Variants in SDC2 observed in about 807,000 individuals in gnomAD.
SDC2 encodes the protein syndecan-2.
SDC2 carries 13 observed loss-of-function variants against 22.2 expected under a neutral mutation model. The ratio of observed to expected loss-of-function variants is 0.59; its 90% CI spans 0.38 to 0.93. The LOEUF is 0.93. SDC2 is among the 40% of genes least tolerant of loss of function. The pLI is 0.00. For missense variants in SDC2, 235 were observed against 246.8 expected (o/e 0.95, Z 0.32); for synonymous variants, 94 against 92.8 (o/e 1.01, Z -0.07).
intron 1 of SDC2, among the ~76,000 whole-genome samples, chr8:96,499,650 T>C (rs2130418184): frequency 6.6e-6 from 1 of 152,256 alleles, no homozygotes; most frequent in East Asian, 1.9e-4. Context: ...AAATTGGACC[T>C]AAGAATGCCT....
In SDC2 at chr8:96,523,434, G is replaced by A. The variant is rs114709653; in HGVS notation, c.60+29103G>A. Among the ~76,000 whole-genome samples the A allele has an allele frequency of 4.7e-3, 719 of 152,314 alleles. 6 individuals are homozygous for A. The highest frequency in any genetic ancestry group is 0.016 in the African/African-American group (666 of 41,570). ...GTTGAGCATTAAGGTTGCCCCTAAT[G>A]GATGGGATCTCTGCCAGGGGTAACT... On this transcript the variant is annotated intron_variant, in intron 1 of 4. Coordinates refer to ENST00000302190, the MANE Select transcript of SDC2 (RefSeq NM_002998.4).
At chr8:96,514,831 G>A (rs1190709849) in intron 1 of SDC2, among the ~76,000 whole-genome samples, 1 of 152,160 alleles carries the variant, frequency 6.6e-6, no homozygotes. Context: ...AGTGCAGGCG[G>A]TAATGAGATT....
At chr8:96,570,585 G>T (rs1441781914) in intron 1 of SDC2, among the ~76,000 whole-genome samples, 1 of 152,118 alleles carries the variant, frequency 6.6e-6, no homozygotes, top group Non-Finnish European at 1.5e-5. Flanking sequence ...CAATGAAAGA[G>T]ACCTGTGCAT....
intron 1 of SDC2, among the ~76,000 whole-genome samples, chr8:96,563,068 C>T (rs1285615673): frequency 6.6e-6 from 1 of 152,318 alleles, no homozygotes; most frequent in Middle Eastern, 3.4e-3. Flanking sequence ...ACCTGAAAGA[C>T]ATTTTCCCTT....
chr8:96,604,899 A>G (rs1815052474), intron 3 of SDC2, among the ~76,000 whole-genome samples: 1 of 152,206 alleles, frequency 6.6e-6, no homozygotes, highest in Non-Finnish European at 1.5e-5. Flanking sequence ...ACCAAATGGT[A>G]TCTTCTTAGT....
At chr8:96,494,391 G>A (rs982033321) in intron 1 of SDC2, 60 bp downstream of exon 1, 2 of 1,503,606 alleles carry the variant, frequency 1.3e-6, no homozygotes, top group Admixed American at 4.1e-5. Context: ...TACGAGAGGA[G>A]CCCGCAGGGA....
intron 1 of SDC2, among the ~76,000 whole-genome samples, chr8:96,575,244 C>G (rs1272826851): frequency 6.6e-6 from 1 of 152,098 alleles, no homozygotes; most frequent in Non-Finnish European, 1.5e-5. Context: ...TGAGTGAGCA[C>G]TGGCATCTCT....
intron 1 of SDC2, among the ~76,000 whole-genome samples, chr8:96,519,513 TAGG>T (rs1813460751): frequency 6.6e-6 from 1 of 152,186 alleles, no homozygotes; most frequent in African/African-American, 2.4e-5. Context: ...ATAGTTGTCT[TAGG>T]AGAACACATC....
At chr8:96,572,174 G>A (rs992565222) in intron 1 of SDC2, among the ~76,000 whole-genome samples, 3 of 152,180 alleles carry the variant, frequency 2.0e-5, no homozygotes, top group Admixed American at 6.5e-5. Context: ...ACAATGAGAG[G>A]CAACCCTACA....
chr8:96,547,846 G>A (rs1027360988), intron 1 of SDC2, among the ~76,000 whole-genome samples: 28 of 151,156 alleles, frequency 1.9e-4, no homozygotes, highest in African/African-American at 5.8e-4. Context: ...CTGCAGCCTC[G>A]ACCTCCTGCT....
chr8:96,550,342 G>A (rs1814007319), intron 1 of SDC2, among the ~76,000 whole-genome samples: 2 of 152,282 alleles, frequency 1.3e-5, no homozygotes, highest in Admixed American at 1.3e-4. Flanking sequence ...GAGATTCTCA[G>A]CTGGTGAGGA....
chr8:96,533,372 G>GCTGT (rs922141455), intron 1 of SDC2, among the ~76,000 whole-genome samples: 19 of 152,282 alleles, frequency 1.2e-4, no homozygotes, highest in African/African-American at 3.8e-4. Flanking sequence ...GGTCTGTTTT[G>GCTGT]ACAGGGTGCT....
At chr8:96,528,500 A>G (rs2440682) in intron 1 of SDC2, among the ~76,000 whole-genome samples, 120,988 of 152,170 alleles carry the variant, frequency 0.8, 49,134 homozygotes, top group Middle Eastern at 0.89. Context: ...ACACTTTCTA[A>G]AAGGAAAAAT....
chr8:96,525,040 T>C (rs1258955989), intron 1 of SDC2, among the ~76,000 whole-genome samples: 2 of 152,182 alleles, frequency 1.3e-5, no homozygotes, highest in South Asian at 4.1e-4. Context: ...GTCACAATAA[T>C]GTAAAATCGT....
intron 1 of SDC2, among the ~76,000 whole-genome samples, chr8:96,561,677 A>C (rs146324197): frequency 4.7e-4 from 72 of 152,340 alleles, no homozygotes; most frequent in African/African-American, 1.5e-3. Flanking sequence ...TTCCTTACCA[A>C]GTCTATTCCC....
At chr8:96,588,307 C>T (rs1814720551) in intron 1 of SDC2, among the ~76,000 whole-genome samples, 1 of 152,164 alleles carries the variant, frequency 6.6e-6, no homozygotes, top group Non-Finnish European at 1.5e-5. Flanking sequence ...TTCCTTTGGG[C>T]TAGACCTAAG....
intron 1 of SDC2, among the ~76,000 whole-genome samples, chr8:96,587,369 A>T (rs879672502): frequency 9.9e-5 from 15 of 152,228 alleles, no homozygotes; most frequent in Non-Finnish European, 1.9e-4. Context: ...ATTGCTACAT[A>T]CTAGTTAGTT....
intron 1 of SDC2, among the ~76,000 whole-genome samples, chr8:96,577,562 G>A (rs1204169282): frequency 6.6e-6 from 1 of 151,664 alleles, no homozygotes; most frequent in East Asian, 1.9e-4. Context: ...TGGGATTAAT[G>A]AACCAACATT....
At chr8:96,503,808 G>T (rs1419145033) in intron 1 of SDC2, among the ~76,000 whole-genome samples, 1 of 152,166 alleles carries the variant, frequency 6.6e-6, no homozygotes, top group Non-Finnish European at 1.5e-5. Context: ...AGAAAGATAT[G>T]TTATAAAGCT....
Sources: allele counts gnomAD v4.1 joint callset (sites outside exome capture counted in the v4.1 genomes callset), GRCh38; gene constraint gnomAD v4.1.1; transcripts MANE v1.5; gene names NCBI Gene and HGNC (gene_info 2026-07-23, HGNC 2026-07-21).